The following COQ4 variants were observed in gnomAD, a reference collection of about 807,000 sequenced individuals.
COQ4 encodes ubiquinone biosynthesis protein COQ4 homolog, mitochondrial.
COQ4 carries 36 observed loss-of-function variants against 30.2 expected under a neutral mutation model. That is an observed-to-expected ratio of 1.19 (90% CI 0.91 to 1.57). The LOEUF (loss-of-function observed/expected upper bound fraction) is 1.57. Ranked by LOEUF, COQ4 falls within the 40% of genes most tolerant of loss-of-function variation. The probability of loss-of-function intolerance (pLI) is 0.00; values close to 1 mark genes in which losing one functional copy is unlikely to be tolerated. For missense variants in COQ4, 369 were observed against 371.9 expected, an observed-to-expected ratio of 0.99 and a Z score of 0.07; for synonymous variants, 197 against 161.0, an observed-to-expected ratio of 1.22 and a Z score of -1.69.
chr9:128,328,622 G>A (rs1344707061), intron 4 of COQ4, among the ~76,000 whole-genome samples: 1 of 152,182 alleles, frequency 6.6e-6, no homozygotes, highest in East Asian at 1.9e-4. Flanking sequence ...GGGCAGTTGA[G>A]AACCACTGCT....
At chr9:128,325,651 G>A (rs1276020169) in intron 3 of COQ4, 128 bp from the exon 4 acceptor site, 2 of 704,902 alleles carry the variant, frequency 2.8e-6, no homozygotes, top group African/African-American at 3.6e-5. Context: ...CCAGTTGTAG[G>A]TGCTCCATTA....
Position 128,332,174 on chromosome 9 carries a change from G to A in COQ4, c.424G>A (p.Ala142Thr), listed in dbSNP as rs34043652. ...DVNRVSPDTRAPTRFVDDEEL... is the reference protein window; with the variant it reads ...DVNRVSPDTRTPTRFVDDEEL... ...TCAGAGGGTCTCCCCAGACACCCGAGCACCCACCCGCTTCGTGGATGATGA... is the reference window on the plus strand; with the variant it reads ...TCAGAGGGTCTCCCCAGACACCCGAACACCCACCCGCTTCGTGGATGATGA... Residue 142 changes from alanine (A) to threonine (T), a missense_variant, in exon 5 of 7, where the codon GCA becomes ACA. By Grantham distance (58) the Ala-to-Thr change is moderately conservative (BLOSUM62 0). Transcript: ENST00000300452. The A allele has an allele frequency of 5.5e-3, 8,673 of 1,582,382 alleles. 87 individuals carry two copies. Among genetic ancestry groups the A allele is most frequent in the South Asian group, 0.033 (2,879 of 86,840 alleles).
intron 4 of COQ4, among the ~76,000 whole-genome samples, chr9:128,329,467 C>T (rs977998693): frequency 6.6e-6 from 1 of 152,174 alleles, no homozygotes; most frequent in Middle Eastern, 3.2e-3. Context: ...ACCTCCACCT[C>T]CTGGCAATTC....
Position 128,333,487 on chromosome 9 carries a change from C to CT in COQ4, c.641dup (p.Val215GlyfsTer24). On this transcript the variant is annotated frameshift_variant, in exon 7 of 7. Coordinates refer to ENST00000300452, the MANE Select transcript of COQ4 (RefSeq NM_016035.5). LOFTEE classifies it high-confidence loss of function. ...GCTGCCCCACAGGAGCCTGCAAGTG[C>CT]TGGTCTCGGAGTTGATCCCATGGGC... 2 of 1,540,776 alleles carry CT rather than the reference C, an allele frequency of 1.3e-6. No individual in the cohort carries two copies. The highest frequency in any genetic ancestry group is 2.8e-5 in the African/African-American group (2 of 71,762).
chr9:128,324,645 T>G (rs774893809), intron 2 of COQ4, among the ~76,000 whole-genome samples: 2 of 151,998 alleles, frequency 1.3e-5, no homozygotes, highest in Non-Finnish European at 2.9e-5. Flanking sequence ...AGACCTCATC[T>G]CTACAGAAAA....
chr9:128,329,311 G>A lies in COQ4; in HGVS notation c.403-2842G>A, dbSNP rs561761421. ...CAGACTTTGTTTCAAATGCTGACTCGGCCACTTTACTAGCTGTGTGATCTT... is the reference window on the plus strand; with the variant it reads ...CAGACTTTGTTTCAAATGCTGACTCAGCCACTTTACTAGCTGTGTGATCTT... On this transcript the variant is annotated intron_variant, in intron 4 of 6. Coordinates refer to ENST00000300452, the MANE Select transcript of COQ4 (RefSeq NM_016035.5). Among the ~76,000 whole-genome samples, 29 of 152,240 alleles carry A rather than the reference G, an allele frequency of 1.9e-4. No individual in the cohort carries two copies. The South Asian group carries it at 2.1e-3, about 11-fold the overall frequency.
chr9:128,325,229 C>T lies in COQ4; in HGVS notation c.289C>T (p.Gln97Ter). 4 of 1,613,008 alleles carry T rather than the reference C, an allele frequency of 2.5e-6. No homozygotes were observed. Among genetic ancestry groups the T allele is most frequent in the Non-Finnish European group, 3.4e-6 (4 of 1,179,136 alleles). ...GATGAGGAGGGATCCAGAGGGTGCC[C>T]AGATCCTGCAGTAGGTCCCAGCTCT... Reference protein sequence around the residue: ...DQMRRDPEGAQILQERPRIST... With the variant: ...DQMRRDPEGA Residue 97 changes from glutamine (Q) to a stop codon, truncating the protein, a stop_gained, in exon 3 of 7, where the codon CAG becomes TAG. Transcript: ENST00000300452. LOFTEE classifies it high-confidence loss of function.
intron 5 of COQ4, 105 bp from the exon 6 acceptor site, chr9:128,332,745 C>A: frequency 1.1e-6 from 1 of 906,292 alleles, no homozygotes; most frequent in Admixed American, 1.7e-5. Context: ...CAGCTGACCC[C>A]GTAGAGATTA....
rs927483514 is a variant in COQ4, at chr9:128,333,812, G to A, written c.*167G>A. 587 of 562,368 alleles carry A rather than the reference G, an allele frequency of 1.0e-3. 5 individuals are homozygous for A. The highest frequency in any genetic ancestry group is 1.4e-3 in the Non-Finnish European group (473 of 343,360). 34.8% of individuals were successfully genotyped at this position (562,368 alleles called of 1,614,324 possible). ...CTGAGTGGCCTTGAGGACGAACCCC[G>A]CAGGGAGCAAGCAGTACAGTGGCAT... is the stretch of plus-strand genomic sequence containing the variant. On this transcript the variant is annotated 3_prime_UTR_variant, in exon 7 of 7. Coordinates refer to ENST00000300452, the MANE Select transcript of COQ4 (RefSeq NM_016035.5).
At chr9:128,329,686 A>G (rs370526527) in intron 4 of COQ4, among the ~76,000 whole-genome samples, 4 of 152,256 alleles carry the variant, frequency 2.6e-5, no homozygotes, top group African/African-American at 9.6e-5. Context: ...TTCCTTATCT[A>G]TATCTGCAGT....
Position 128,333,686 on chromosome 9 carries a change from C to G in COQ4, c.*41C>G. On this transcript the variant is annotated 3_prime_UTR_variant, in exon 7 of 7. Transcript: ENST00000300452. ...GGGCCTGGCCTACCTCCCCCATCCC[C>G]TGCTTCCCTTGGAGGCAGAGGGCTC... The G allele has an allele frequency of 6.8e-7, 1 of 1,480,746 alleles. No homozygotes were observed. Among genetic ancestry groups the G allele is most frequent in the Non-Finnish European group, 8.9e-7 (1 of 1,119,844 alleles). The allele number at this position is 1,480,746 out of a possible 1,614,324, so 91.7% of individuals were successfully genotyped here. A position where few individuals can be genotyped will look rare whatever the true frequency, so the allele number is the denominator to read the frequency against.
chr9:128,332,381 G>A (rs1455877554), intron 5 of COQ4, 99 bp downstream of exon 5: 1 of 1,356,052 alleles, frequency 7.4e-7, no homozygotes, highest in Non-Finnish European at 1.0e-6. Flanking sequence ...ACCTGGCTTG[G>A]TGCCTCAATT....
At chr9:128,327,694 G>A (rs1384861257) in intron 4 of COQ4, among the ~76,000 whole-genome samples, 1 of 152,024 alleles carries the variant, frequency 6.6e-6, no homozygotes, top group African/African-American at 2.4e-5. Context: ...CAGCTACCTG[G>A]GAGGGAGTTT....
At chr9:128,328,967 T>C (rs1331701469) in intron 4 of COQ4, among the ~76,000 whole-genome samples, 1 of 152,186 alleles carries the variant, frequency 6.6e-6, no homozygotes, top group Admixed American at 6.5e-5. Context: ...CAGCAGCTCA[T>C]GGAATGTGAA....
chr9:128,325,679 A>G (rs1268911498), intron 3 of COQ4, 100 bp from the exon 4 acceptor site: 9 of 902,498 alleles, frequency 1.0e-5, no homozygotes, highest in South Asian at 7.6e-5. Flanking sequence ...TGGTGGCCAC[A>G]TTGCTCCTCT....
Position 128,333,719 on chromosome 9 carries a change from T to C in COQ4, c.*74T>C. On this transcript the variant is annotated 3_prime_UTR_variant, in exon 7 of 7. Transcript: ENST00000300452. ...CTTGGAGGCAGAGGGCTCCCTTGAC[T>C]ACCTTTGTTCCTCTTCTTTGAACAC... 2 of 1,283,098 alleles carry C rather than the reference T, an allele frequency of 1.6e-6. No individual in the cohort carries two copies. Among genetic ancestry groups the C allele is most frequent in the Non-Finnish European group, 2.1e-6 (2 of 961,154 alleles). The allele number at this position is 1,283,098 out of a possible 1,614,324, so 79.5% of individuals were successfully genotyped here.
chr9:128,326,748 T>TTTTTG (rs1264144904), intron 4 of COQ4, among the ~76,000 whole-genome samples: 2 of 150,458 alleles, frequency 1.3e-5, no homozygotes, highest in East Asian at 2.0e-4. Context: ...CGGCCCATCC[T>TTTTTG]TTTTGTTTTG....
intron 4 of COQ4, 40 bp downstream of exon 4, chr9:128,325,921 A>G: frequency 3.9e-6 from 6 of 1,543,078 alleles, no homozygotes; most frequent in South Asian, 2.2e-5. Context: ...GTCACCAGAC[A>G]GGACAGAGGA....
intron 4 of COQ4, among the ~76,000 whole-genome samples, chr9:128,330,122 G>A (rs1832380593): frequency 6.6e-6 from 1 of 151,834 alleles, no homozygotes; most frequent in South Asian, 2.1e-4. Context: ...TGTAATCCCA[G>A]CTCTCTGGGA....
Sources: gnomAD v4.1 joint callset for allele counts (sites outside exome capture counted in the v4.1 genomes callset) on GRCh38, gnomAD v4.1.1 for gene constraint, MANE v1.5 for transcripts, NCBI Gene and HGNC (gene_info 2026-07-23, HGNC 2026-07-21) for gene names.